Variants in MED13L observed in about 807,000 individuals in gnomAD.
The protein encoded by MED13L is mediator complex subunit 13L.
Under a neutral mutation model 220.9 loss-of-function variants are expected in MED13L, and 7 were observed. The ratio of observed to expected loss-of-function variants is 0.03; its 90% CI spans 0.02 to 0.06. The LOEUF (loss-of-function observed/expected upper bound fraction) is 0.06, where lower values mean the gene tolerates loss of function less well. Ranked by LOEUF, MED13L falls within the 10% of genes least tolerant of loss-of-function variation. MED13L has a pLI of 1.00. For synonymous variants in MED13L, 1,011 were observed against 1,015.2 expected (o/e 1.00, Z 0.08); for missense variants, 1,965 against 2,760.5 (o/e 0.71, Z 6.46).
rs374332114 is a variant in MED13L at position 115,969,147 on chromosome 12, A to G, written c.6068-50T>C. The G allele has an allele frequency of 1.4e-4, 228 of 1,572,864 alleles. 1 individual carries two copies. The highest frequency in any genetic ancestry group is 1.8e-4 in the Non-Finnish European group (212 of 1,147,922). ...CACAAAAATTAAAAAGATAGTCCAC[A>G]TATCAATATCATAATAATCCAACCT... On this transcript the variant is annotated intron_variant, in intron 27 of 30. Transcript: ENST00000281928.
chr12:116,119,924 A>G (rs1397048288), intron 2 of MED13L, among the ~76,000 whole-genome samples: 1 of 148,888 alleles, frequency 6.7e-6, no homozygotes, highest in Non-Finnish European at 1.5e-5. Context: ...ACTGAGCTAC[A>G]GTCAGCAGCA....
At position 116,237,594 on chromosome 12, in the gene MED13L, G is replaced by A; in HGVS notation, c.184C>T (p.Arg62Cys). 6 of 1,614,126 alleles carry A rather than the reference G, an allele frequency of 3.7e-6. No homozygotes were observed. Among genetic ancestry groups the A allele is most frequent in the East Asian group, 2.2e-5 (1 of 44,876 alleles). The part of the protein sequence containing the change: ...QDDPILLSFI[R>C]CLQANLLCVW... Reference sequence around the variant, plus strand: ...CAAAGCAGGTTAGCTTGCAGACAGCGGATGAAACTTAACAGAATTGGATCA... The same window carrying A: ...CAAAGCAGGTTAGCTTGCAGACAGCAGATGAAACTTAACAGAATTGGATCA... Residue 62 changes from arginine (R) to cysteine (C), a missense_variant, in exon 2 of 31, where the codon CGC (arginine) becomes TGC (cysteine). By Grantham distance (180) the Arg-to-Cys change is radical. Transcript: ENST00000281928.
chr12:116,150,687 CTTATTA>C (rs941529743), intron 2 of MED13L, among the ~76,000 whole-genome samples: 1 of 152,168 alleles, frequency 6.6e-6, no homozygotes, highest in African/African-American at 2.4e-5. Flanking sequence ...TTTCCTCATT[CTTATTA>C]TTATCTGTTT....
At chr12:116,096,792 T>C (rs781626123) in intron 3 of MED13L, 40 bp from the exon 4 acceptor site, 1 of 1,490,150 alleles carries the variant, frequency 6.7e-7, no homozygotes, top group Admixed American at 1.7e-5. Flanking sequence ...ATAGTATCAG[T>C]AACAAATTAG....
intron 4 of MED13L, among the ~76,000 whole-genome samples, chr12:116,030,706 C>G (rs1044321430): frequency 6.6e-6 from 1 of 151,916 alleles, no homozygotes; most frequent in African/African-American, 2.4e-5. Flanking sequence ...ATCCTGGGAA[C>G]AAACATAGAG....
intron 4 of MED13L, among the ~76,000 whole-genome samples, chr12:116,090,843 G>A (rs1872137759): frequency 6.6e-6 from 1 of 152,176 alleles, no homozygotes; most frequent in African/African-American, 2.4e-5. Context: ...ACAAGGTATA[G>A]GTCAGGCGCA....
intron 2 of MED13L, among the ~76,000 whole-genome samples, chr12:116,204,217 G>A (rs540827255): frequency 1.8e-4 from 27 of 152,154 alleles, no homozygotes; most frequent in African/African-American, 6.3e-4. Flanking sequence ...TCTAGATTAC[G>A]GACCATAATC....
chr12:116,214,484 A>C (rs1197210341), intron 2 of MED13L, among the ~76,000 whole-genome samples: 1 of 152,198 alleles, frequency 6.6e-6, no homozygotes, highest in East Asian at 1.9e-4. Flanking sequence ...GAATATTTTC[A>C]AAATATAAAC....
intron 2 of MED13L, among the ~76,000 whole-genome samples, chr12:116,170,149 G>A (rs1347272267): frequency 6.6e-6 from 1 of 152,182 alleles, no homozygotes; most frequent in Non-Finnish European, 1.5e-5. Flanking sequence ...GTTATGCACA[G>A]ATTCTGTATG....
At chr12:116,107,953 G>C (rs1044477899) in intron 3 of MED13L, among the ~76,000 whole-genome samples, 2 of 152,158 alleles carry the variant, frequency 1.3e-5, no homozygotes, top group African/African-American at 4.8e-5. Context: ...AGCTGGGCAT[G>C]GTGGCACGTG....
At chr12:116,270,066 TG>T (rs1420211299) in intron 1 of MED13L, among the ~76,000 whole-genome samples, 2 of 150,740 alleles carry the variant, frequency 1.3e-5, no homozygotes, top group African/African-American at 4.9e-5. Context: ...CTAATATAAA[TG>T]CAAGAAAAAC....
chr12:116,266,921 G>A (rs1872874842), intron 1 of MED13L, among the ~76,000 whole-genome samples: 1 of 152,098 alleles, frequency 6.6e-6, no homozygotes, highest in Non-Finnish European at 1.5e-5. Flanking sequence ...ACAGAAAATA[G>A]AAATTAGCCA....
At chr12:116,028,556 C>T (rs1021054464) in intron 4 of MED13L, among the ~76,000 whole-genome samples, 3 of 152,122 alleles carry the variant, frequency 2.0e-5, no homozygotes, top group African/African-American at 7.2e-5. Context: ...AGATTTTCTA[C>T]CTTAGATCAA....
chr12:116,132,203 C>G (rs1022991615), intron 2 of MED13L, among the ~76,000 whole-genome samples: 2 of 148,152 alleles, frequency 1.3e-5, no homozygotes, highest in Non-Finnish European at 3.0e-5. Flanking sequence ...TCACTTGAAC[C>G]TGAGAGGCAG....
At chr12:116,216,137 T>G (rs1882983868) in intron 2 of MED13L, among the ~76,000 whole-genome samples, 1 of 152,184 alleles carries the variant, frequency 6.6e-6, no homozygotes, top group South Asian at 2.1e-4. Flanking sequence ...CTATCTTTCC[T>G]CTCTTCTGCC....
chr12:116,269,425 C>CA (rs1365347731), intron 1 of MED13L, among the ~76,000 whole-genome samples: 3 of 147,164 alleles, frequency 2.0e-5, no homozygotes, highest in African/African-American at 7.5e-5. Context: ...CCCCGCCCCC[C>CA]CAATCTACTT....
chr12:116,015,959 A>G (rs1306616245), intron 7 of MED13L, among the ~76,000 whole-genome samples: 1 of 151,726 alleles, frequency 6.6e-6, no homozygotes. Context: ...GTTTTTTCAA[A>G]TACAGTGGTT....
At chr12:115,987,039 G>A in intron 18 of MED13L, 70 bp downstream of exon 18, 1 of 1,496,874 alleles carries the variant, frequency 6.7e-7, no homozygotes, top group Non-Finnish European at 9.3e-7. Flanking sequence ...GGACTTGACA[G>A]TAACTAACGC....
At position 116,263,847 on chromosome 12, in the gene MED13L, C is replaced by T. The variant is rs192030690; in HGVS notation, c.72+13213G>A. 7.7e-3 allele frequency among the ~76,000 whole-genome samples: 1,170 copies of T among 152,288 alleles called. 2 individuals are homozygous for T. The highest frequency in any genetic ancestry group is 0.013 in the Non-Finnish European group (894 of 68,030). ...TCAAAAAGCAAAAATACCACCACCA[C>T]TTAATTGGTCCCAATATCCTGTCTT... On this transcript the variant is annotated intron_variant, in intron 1 of 30. Transcript: ENST00000281928.
Sources: gnomAD v4.1 joint callset for allele counts (sites outside exome capture counted in the v4.1 genomes callset) on GRCh38, gnomAD v4.1.1 for gene constraint, MANE v1.5 for transcripts, NCBI Gene and HGNC (gene_info 2026-07-23, HGNC 2026-07-21) for gene names.